The following ZMAT3 variants were observed in gnomAD, a reference collection of about 807,000 sequenced individuals.
ZMAT3 encodes the protein zinc finger matrin-type 3.
A neutral mutation model predicts 32.3 loss-of-function variants in ZMAT3; 17 were observed. The observed-to-expected ratio is 0.53, with a 90% CI of 0.36 to 0.79. The LOEUF (loss-of-function observed/expected upper bound fraction) is 0.79. Ranked by LOEUF, ZMAT3 falls within the 30% of genes least tolerant of loss-of-function variation. The pLI, the probability that ZMAT3 is intolerant of heterozygous loss-of-function variation, is 0.00. For missense variants in ZMAT3, 329 were observed against 359.7 expected (o/e 0.91, Z 0.69); for synonymous variants, 120 against 133.1 (o/e 0.90, Z 0.68).
At chr3:179,033,018 T>G (rs896018427) in intron 2 of ZMAT3, among the ~76,000 whole-genome samples, 2 of 152,192 alleles carry the variant, frequency 1.3e-5, no homozygotes, top group Non-Finnish European at 2.9e-5. Flanking sequence ...CGGGCCACGA[T>G]GACGATGGCG....
chr3:179,024,957 C>A lies in ZMAT3; in HGVS notation c.*60G>T. Reference sequence around the variant, plus strand: ...ATATCAAAAAGACCACAAAGCAGGGCAAGTTGACAAAAGGCAAACAACAGG... The same window carrying A: ...ATATCAAAAAGACCACAAAGCAGGGAAAGTTGACAAAAGGCAAACAACAGG... On this transcript the variant is annotated 3_prime_UTR_variant, in exon 6 of 6. Coordinates refer to ENST00000311417, the MANE Select transcript of ZMAT3 (RefSeq NM_022470.4). 6.6e-7 allele frequency: 1 copy of A among 1,519,408 alleles called. No homozygotes were observed. The highest frequency in any genetic ancestry group is 9.1e-7 in the Non-Finnish European group (1 of 1,097,338). The allele number at this position is 1,519,408 out of a possible 1,614,324, so 94.1% of individuals were successfully genotyped here.
At chr3:179,038,523 A>G (rs986057453) in intron 2 of ZMAT3, among the ~76,000 whole-genome samples, 9 of 152,220 alleles carry the variant, frequency 5.9e-5, no homozygotes, top group Non-Finnish European at 8.8e-5. Context: ...GGTTGCAGTG[A>G]GCCATGACTG....
In ZMAT3 at chr3:179,022,614, T is replaced by C. The variant is rs1718605629; in HGVS notation, c.*2403A>G. ...ATTGCTCAAAACTAAGCAACTCTAC[T>C]TTATAGATTACTGAAAAAATAATAA... is the stretch of plus-strand genomic sequence containing the variant. On this transcript the variant is annotated 3_prime_UTR_variant, in exon 6 of 6. Transcript: ENST00000311417. 1.5e-5 allele frequency: 2 copies of C among 137,862 alleles called. No homozygotes were observed. The highest frequency in any genetic ancestry group is 2.5e-5 in the African/African-American group (1 of 39,886). The allele number at this position is 137,862 out of a possible 1,614,324, so 8.5% of individuals were successfully genotyped here.
chr3:179,037,879 A>T (rs1055951134), intron 2 of ZMAT3, among the ~76,000 whole-genome samples: 1 of 152,220 alleles, frequency 6.6e-6, no homozygotes, highest in Non-Finnish European at 1.5e-5. Context: ...ACAGTGAACA[A>T]AGGCAAAGTC....
intron 3 of ZMAT3, among the ~76,000 whole-genome samples, 183 bp from the exon 4 acceptor site, chr3:179,027,995 G>C (rs573821123): frequency 6.6e-6 from 1 of 152,328 alleles, no homozygotes; most frequent in East Asian, 1.9e-4. Context: ...ACTTAATCAT[G>C]GTTTTGCATT....
chr3:179,049,385 G>A (rs1167444272), intron 2 of ZMAT3, among the ~76,000 whole-genome samples: 2 of 152,150 alleles, frequency 1.3e-5, no homozygotes, highest in Non-Finnish European at 1.5e-5. Context: ...ATCAGCACAT[G>A]GAACATTCTT....
intron 2 of ZMAT3, among the ~76,000 whole-genome samples, chr3:179,034,566 T>C (rs542376859): frequency 2.0e-5 from 3 of 152,310 alleles, no homozygotes; most frequent in East Asian, 3.9e-4. Context: ...CATGAGTAAG[T>C]TGGTGACTCC....
At position 179,017,854 on chromosome 3, in the gene ZMAT3, T is replaced by C. The variant is rs547773065; in HGVS notation, c.*7163A>G. ...AAGCAACTTATTGTCCCAGCAGATA[T>C]ATGGAATGCTTTAAAGCAGGATCTG... On this transcript the variant is annotated 3_prime_UTR_variant, in exon 6 of 6. Coordinates refer to ENST00000311417, the MANE Select transcript of ZMAT3 (RefSeq NM_022470.4). 3 of 152,272 alleles carry C rather than the reference T, an allele frequency of 2.0e-5. No individual in the cohort carries two copies. The highest frequency in any genetic ancestry group is 3.9e-4 in the East Asian group (2 of 5,180). 9.4% of individuals were successfully genotyped at this position (152,272 alleles called of 1,614,324 possible).
intron 2 of ZMAT3, among the ~76,000 whole-genome samples, chr3:179,063,293 T>C (rs1721243754): frequency 6.6e-6 from 1 of 152,250 alleles, no homozygotes; most frequent in South Asian, 2.1e-4. Context: ...AATATTAAAA[T>C]GTAAGTGCCA....
At chr3:179,041,882 T>TA (rs1374669297) in intron 2 of ZMAT3, among the ~76,000 whole-genome samples, 13 of 150,670 alleles carry the variant, frequency 8.6e-5, no homozygotes, top group Admixed American at 7.3e-4. Context: ...ATAGATGCAA[T>TA]AAAAAAATGA....
chr3:179,068,245 G>T (rs1028019239), intron 1 of ZMAT3, among the ~76,000 whole-genome samples: 2 of 152,160 alleles, frequency 1.3e-5, no homozygotes, highest in Non-Finnish European at 2.9e-5. Flanking sequence ...GGTGGCTCAC[G>T]CCTGTAATCC....
intron 1 of ZMAT3, among the ~76,000 whole-genome samples, 200 bp from the exon 2 acceptor site, chr3:179,068,009 T>C (rs926452037): frequency 3.9e-5 from 6 of 152,170 alleles, no homozygotes; most frequent in Non-Finnish European, 8.8e-5. Flanking sequence ...CCACTGAGAA[T>C]GGCTTTATAG....
intron 2 of ZMAT3, among the ~76,000 whole-genome samples, chr3:179,050,628 A>G (rs1720506854): frequency 6.6e-6 from 1 of 152,220 alleles, no homozygotes; most frequent in African/African-American, 2.4e-5. Context: ...TGAAGTCCAT[A>G]TCACCCTAAC....
At chr3:179,049,604 A>C (rs1395844044) in intron 2 of ZMAT3, among the ~76,000 whole-genome samples, 1 of 152,242 alleles carries the variant, frequency 6.6e-6, no homozygotes, top group Non-Finnish European at 1.5e-5. Context: ...GAAATTAAAA[A>C]ATTATTTGAA....
At chr3:179,026,994 T>C (rs1303735181) in intron 5 of ZMAT3, among the ~76,000 whole-genome samples, 3 of 152,166 alleles carry the variant, frequency 2.0e-5, no homozygotes, top group Non-Finnish European at 4.4e-5. Context: ...TCATTGAAAA[T>C]CTCTAAGTCA....
chr3:179,032,192 C>T (rs1357949936), intron 2 of ZMAT3, among the ~76,000 whole-genome samples: 9 of 151,544 alleles, frequency 5.9e-5, no homozygotes, highest in South Asian at 2.1e-4. Flanking sequence ...CTGGTGGAGA[C>T]GGGGTTTCGC....
intron 3 of ZMAT3, 140 bp from the exon 4 acceptor site, chr3:179,027,952 A>C: frequency 2.3e-6 from 2 of 860,124 alleles, no homozygotes; most frequent in Non-Finnish European, 3.4e-6. Context: ...CAAGAAAATA[A>C]TTCAATCCAG....
At chr3:179,033,089 G>A (rs1719376868) in intron 2 of ZMAT3, among the ~76,000 whole-genome samples, 1 of 152,254 alleles carries the variant, frequency 6.6e-6, no homozygotes, top group African/African-American at 2.4e-5. Context: ...GATTGTTACT[G>A]TGTCTGTGTA....
At chr3:179,062,561 T>C (rs1042827214) in intron 2 of ZMAT3, among the ~76,000 whole-genome samples, 4 of 152,150 alleles carry the variant, frequency 2.6e-5, no homozygotes, top group African/African-American at 9.7e-5. Context: ...CACAGAGAGC[T>C]TCTGTCCTCT....
Sources: allele counts gnomAD v4.1 joint callset (sites outside exome capture counted in the v4.1 genomes callset), GRCh38; gene constraint gnomAD v4.1.1; transcripts MANE v1.5; gene names NCBI Gene and HGNC (gene_info 2026-07-23, HGNC 2026-07-21).